GLT1D1: variants seen among roughly 807,000 people sequenced by gnomAD.
The protein encoded by GLT1D1 is glycosyltransferase 1 domain containing 1.
A neutral mutation model predicts 28.7 loss-of-function variants in GLT1D1; 21 were observed. The observed-to-expected ratio is 0.73, with a 90% confidence interval of 0.52 to 1.05. The LOEUF (loss-of-function observed/expected upper bound fraction) is 1.05, where lower values mean the gene tolerates loss of function less well. GLT1D1 is among the 50% of genes least tolerant of loss of function. The pLI, the probability that GLT1D1 is intolerant of heterozygous loss-of-function variation, is 0.00. For synonymous variants in GLT1D1, 147 were observed against 124.8 expected (o/e 1.18, Z -1.19); for missense variants, 343 against 330.6 (o/e 1.04, Z -0.29).
chr12:128,887,612 A>G (rs1447663776), intron 2 of GLT1D1, among the ~76,000 whole-genome samples: 1 of 152,106 alleles, frequency 6.6e-6, no homozygotes, highest in African/African-American at 2.4e-5. Context: ...TGCTGGAGCC[A>G]TGTGTATTAT....
At chr12:128,934,905 A>G (rs561242682) in intron 4 of GLT1D1, among the ~76,000 whole-genome samples, 42 of 150,768 alleles carry the variant, frequency 2.8e-4, no homozygotes, top group African/African-American at 9.8e-4. Flanking sequence ...CATTCTCTTC[A>G]AGGATGGGGT....
intron 7 of GLT1D1, among the ~76,000 whole-genome samples, chr12:128,967,106 C>T (rs757556871): frequency 3.3e-5 from 5 of 152,166 alleles, no homozygotes; most frequent in Non-Finnish European, 5.9e-5. Context: ...TAGCTCAAAC[C>T]TATTTTGCTT....
intron 1 of GLT1D1, among the ~76,000 whole-genome samples, chr12:128,870,009 C>G (rs1201529316): frequency 6.7e-6 from 1 of 149,166 alleles, no homozygotes; most frequent in Non-Finnish European, 1.5e-5. Context: ...GTCCCAGGTT[C>G]AAGCAATTCT....
intron 4 of GLT1D1, chr12:128,914,968 A>G: frequency 6.5e-7 from 1 of 1,536,028 alleles, no homozygotes; most frequent in Middle Eastern, 1.7e-4. Flanking sequence ...TTTTAACTGG[A>G]ATACCTTTCT....
At chr12:128,971,140 C>T (rs1301606559) in intron 7 of GLT1D1, among the ~76,000 whole-genome samples, 1 of 152,178 alleles carries the variant, frequency 6.6e-6, no homozygotes, top group East Asian at 1.9e-4. Context: ...GTCCCCATGC[C>T]TAGCAAGTAG....
At chr12:128,950,770 A>G (rs918145024) in intron 6 of GLT1D1, among the ~76,000 whole-genome samples, 4 of 152,200 alleles carry the variant, frequency 2.6e-5, no homozygotes, top group Admixed American at 6.5e-5. Flanking sequence ...AAGAGTCTCA[A>G]ATGAAGTTTC....
chr12:128,944,477 T>TG, intron 4 of GLT1D1: 1 of 1,284,412 alleles, frequency 7.8e-7, no homozygotes, highest in Non-Finnish European at 1.1e-6. Flanking sequence ...TCACGCTGAA[T>TG]GAGCGGCTCC....
At chr12:128,898,741 T>C (rs79057853) in intron 3 of GLT1D1, among the ~76,000 whole-genome samples, 18,420 of 152,284 alleles carry the variant, frequency 0.12, 1,263 homozygotes, top group East Asian at 0.26. Flanking sequence ...TAGATTACCT[T>C]GTTTTCTTAG....
intron 1 of GLT1D1, among the ~76,000 whole-genome samples, chr12:128,867,641 G>A (rs1365415137): frequency 6.6e-6 from 1 of 152,168 alleles, no homozygotes; most frequent in African/African-American, 2.4e-5. Context: ...GGGTCCCCCA[G>A]CAGGCGCCAG....
In GLT1D1 at chr12:128,943,833, C is replaced by T. The variant is rs143600326; in HGVS notation, c.376-1493C>T. On this transcript the variant is annotated intron_variant, in intron 4 of 7. Coordinates refer to ENST00000281703, the MANE Select transcript of GLT1D1 (RefSeq NM_144669.3). The stretch of plus-strand genomic sequence containing the variant: ...TATAGTGTCTCCCCATGTTCCACAA[C>T]GCTGGAGATGTCTTTTGTGGCATCG... 2.3e-4 allele frequency among the ~76,000 whole-genome samples: 35 copies of T among 152,322 alleles called. No individual in the cohort carries two copies. The East Asian group carries it at 5.8e-3, about 25-fold the overall frequency.
chr12:128,903,016 C>A lies in GLT1D1; in HGVS notation c.375+3729C>A, dbSNP rs1026396825. On this transcript the variant is annotated intron_variant, in intron 4 of 7. Coordinates refer to ENST00000281703, the MANE Select transcript of GLT1D1 (RefSeq NM_144669.3). ...CAGAGATGGTGCCACTGCAAGACTC[C>A]GTCTCAAAAAAAAAAAAAAAGAAAG... is the stretch of plus-strand genomic sequence containing the variant. Among the ~76,000 whole-genome samples the A allele has an allele frequency of 4.8e-5, 7 of 145,994 alleles. No individual in the cohort carries two copies. In the East Asian group the frequency reaches 1.4e-3, roughly 30 times the overall value.
chr12:128,888,515 A>T (rs561318916), intron 2 of GLT1D1, 124 bp from the exon 3 acceptor site: 1 of 642,076 alleles, frequency 1.6e-6, no homozygotes, highest in African/African-American at 1.8e-5. Flanking sequence ...ATGCAGCTAA[A>T]TGTACAGCAA....
intron 6 of GLT1D1, among the ~76,000 whole-genome samples, chr12:128,955,893 G>T (rs376542176): frequency 6.6e-6 from 1 of 151,680 alleles, no homozygotes; most frequent in Admixed American, 6.6e-5. Context: ...GGGATTTGGG[G>T]ACACAGATGC....
chr12:128,874,775 C>G (rs552385038), intron 1 of GLT1D1, among the ~76,000 whole-genome samples: 2 of 152,174 alleles, frequency 1.3e-5, no homozygotes, highest in Admixed American at 1.3e-4. Context: ...TGAGCCACCT[C>G]ACCCAGCCCT....
intron 4 of GLT1D1, among the ~76,000 whole-genome samples, chr12:128,922,105 A>G (rs1872716520): frequency 6.6e-6 from 1 of 151,748 alleles, no homozygotes; most frequent in South Asian, 2.1e-4. Flanking sequence ...TCACATATGG[A>G]TGTGTACAGC....
At chr12:128,931,934 C>A (rs911324365) in intron 4 of GLT1D1, among the ~76,000 whole-genome samples, 4 of 152,210 alleles carry the variant, frequency 2.6e-5, no homozygotes, top group Non-Finnish European at 5.9e-5. Flanking sequence ...CACACACACA[C>A]ACACACAACG....
chr12:128,864,828 G>C (rs138436413), intron 1 of GLT1D1, among the ~76,000 whole-genome samples: 1 of 152,276 alleles, frequency 6.6e-6, no homozygotes, highest in African/African-American at 2.4e-5. Flanking sequence ...ACCTCAGGGA[G>C]AGGCCCAGAG....
intron 4 of GLT1D1, among the ~76,000 whole-genome samples, chr12:128,910,819 G>T (rs1269103597): frequency 6.6e-6 from 1 of 152,084 alleles, no homozygotes; most frequent in Admixed American, 6.5e-5. Flanking sequence ...GAAGTGGGGA[G>T]GAGAGGCAAG....
intron 4 of GLT1D1, among the ~76,000 whole-genome samples, chr12:128,938,675 A>G (rs73416760): frequency 2.0e-5 from 3 of 152,240 alleles, no homozygotes; most frequent in Non-Finnish European, 4.4e-5. Flanking sequence ...GCCTACTGGT[A>G]AAGTGTAAAT....
Sources: gnomAD v4.1 joint callset for allele counts (sites outside exome capture counted in the v4.1 genomes callset) on GRCh38, gnomAD v4.1.1 for gene constraint, MANE v1.5 for transcripts, NCBI Gene and HGNC (gene_info 2026-07-23, HGNC 2026-07-21) for gene names.